TGFBI: variants seen among roughly 807,000 people sequenced by gnomAD.
TGFBI encodes transforming growth factor-beta-induced protein ig-h3.
A neutral mutation model predicts 73.7 loss-of-function variants in TGFBI; 50 were observed. The observed-to-expected ratio is 0.68, with a 90% confidence interval of 0.54 to 0.86. The LOEUF is 0.86. TGFBI is among the 40% of genes least tolerant of loss of function. TGFBI has a pLI of 0.00. For missense variants in TGFBI, 839 were observed against 877.0 expected (o/e 0.96, Z 0.55); for synonymous variants, 362 against 360.5 (o/e 1.00, Z -0.05).
chr5:136,046,961 C>G lies in TGFBI; in HGVS notation c.570C>G (p.Thr190=). 6.2e-7 allele frequency: 1 copy of G among 1,613,672 alleles called. No individual in the cohort carries two copies. ...VLTDELKHGM[T]LTSMYQNSNI... Reference sequence around the variant, plus strand: ...CTGATGAGCTGAAACACGGCATGACCCTCACCTCTATGTACCAGAATTCCA... The same window carrying G: ...CTGATGAGCTGAAACACGGCATGACGCTCACCTCTATGTACCAGAATTCCA... The change falls in exon 5 of 17, where the codon ACC becomes ACG. Residue 190 remains threonine (T), a synonymous_variant. Coordinates refer to ENST00000442011, the MANE Select transcript of TGFBI (RefSeq NM_000358.3).
Position 136,029,024 on chromosome 5 carries a change from G to T in TGFBI, c.-32G>T, listed in dbSNP as rs779085457. On this transcript the variant is annotated 5_prime_UTR_variant, in exon 1 of 17. Transcript: ENST00000442011. ...GGAGCCGCCCGCTTGCCCGTCGGTC[G>T]CTAGCTCGCTCGGTGCGCGTCGTCC... 1 of 1,515,104 alleles carries T rather than the reference G, an allele frequency of 6.6e-7. No individual in the cohort carries two copies. 93.9% of individuals were successfully genotyped at this position (1,515,104 alleles called of 1,614,324 possible). A position where few individuals can be genotyped will look rare whatever the true frequency, so the allele number is the denominator to read the frequency against.
At position 136,047,528 on chromosome 5, in the gene TGFBI, G is replaced by C. The variant is rs946245453; in HGVS notation, c.771+108G>C. On this transcript the variant is annotated intron_variant, in intron 6 of 16. Transcript: ENST00000442011. ...GAGGTAGAGGATGGCTCCTGTAGGG[G>C]AACATAGAGCAGGTTCCCCTGAATG... is the stretch of plus-strand genomic sequence containing the variant. 1.1e-5 allele frequency: 16 copies of C among 1,395,034 alleles called. No individual in the cohort carries two copies. The African/African-American group carries it at 2.1e-4, about 19-fold the overall frequency. The allele number at this position is 1,395,034 out of a possible 1,614,324, so 86.4% of individuals were successfully genotyped here. A position where few individuals can be genotyped will look rare whatever the true frequency, so the allele number is the denominator to read the frequency against.
chr5:136,041,433 T>C (rs1751337684), intron 2 of TGFBI, among the ~76,000 whole-genome samples: 2 of 152,238 alleles, frequency 1.3e-5, no homozygotes, highest in South Asian at 4.1e-4. Flanking sequence ...CAGTGAGTGC[T>C]GACAAGGGCT....
At position 136,055,732 on chromosome 5, in the gene TGFBI, A is replaced by C. The variant is rs2126914674; in HGVS notation, c.1463A>C (p.Tyr488Ser). The C allele has an allele frequency of 1.2e-6, 2 of 1,612,516 alleles. No homozygotes were observed. Among genetic ancestry groups the C allele is most frequent in the East Asian group, 4.5e-5 (2 of 44,854 alleles). The change falls in exon 11 of 17, where the codon TAC (tyrosine) becomes TCC (serine). Residue 488 changes from tyrosine to serine, a missense_variant. Tyr to Ser is a moderately radical substitution (Grantham distance 144). Transcript: ENST00000442011. Reference sequence around the variant, plus strand: ...GCGGCCCACGACAAGAGGGGGAGGTACGGGACCCTGTTCACGATGGACCGG... The same window carrying C: ...GCGGCCCACGACAAGAGGGGGAGGTCCGGGACCCTGTTCACGATGGACCGG... The part of the protein sequence containing the change: ...CIAAHDKRGR[Y>S]GTLFTMDRVL...
intron 2 of TGFBI, among the ~76,000 whole-genome samples, chr5:136,041,194 A>C (rs1010351310): frequency 4.6e-5 from 7 of 152,260 alleles, no homozygotes; most frequent in Non-Finnish European, 1.5e-5. Context: ...AGAGAGTGAC[A>C]GAGATGCCAG....
At chr5:136,055,843 C>G in intron 11 of TGFBI, 27 bp downstream of exon 11, 1 of 1,580,164 alleles carries the variant, frequency 6.3e-7, no homozygotes, top group Non-Finnish European at 8.6e-7. Context: ...CCGGGTGGAG[C>G]TTCTGCCCAG....
chr5:136,049,484 G>T lies in TGFBI; in HGVS notation c.817G>T (p.Gly273Cys). 6.2e-7 allele frequency: 1 copy of T among 1,613,962 alleles called. No individual in the cohort carries two copies. The highest frequency in any genetic ancestry group is 8.5e-7 in the Non-Finnish European group (1 of 1,179,880). The change falls in exon 7 of 17, where the codon GGC becomes TGC. Residue 273 changes from glycine to cysteine, a missense_variant. Coordinates refer to ENST00000442011, the MANE Select transcript of TGFBI (RefSeq NM_000358.3). ...SGLNTMLEGN[G>C]QYTLLAPTNE... ...GCTCAACACGATGCTTGAAGGTAAC[G>T]GCCAGTACACGCTTTTGGCCCCGAC...
intron 13 of TGFBI, 122 bp downstream of exon 13, chr5:136,059,336 T>A: frequency 7.2e-7 from 1 of 1,384,280 alleles, no homozygotes; most frequent in South Asian, 1.5e-5. Flanking sequence ...AATCTCTGAG[T>A]GTAATTCGTC....
chr5:136,049,367 A>T, intron 6 of TGFBI, 72 bp from the exon 7 acceptor site: 3 of 1,565,356 alleles, frequency 1.9e-6, no homozygotes, highest in Non-Finnish European at 2.6e-6. Context: ...GAACCAGTGA[A>T]GCTGTGTGTG....
intron 2 of TGFBI, among the ~76,000 whole-genome samples, chr5:136,040,050 G>T (rs546815001): frequency 1.3e-5 from 2 of 152,314 alleles, no homozygotes; most frequent in African/African-American, 4.8e-5. Context: ...TTAATCCCCA[G>T]GCATTTACGG....
rs771515402 is a variant in TGFBI, at chr5:136,055,764, AC to A, written c.1502del (p.Pro501GlnfsTer9). On this transcript the variant is annotated frameshift_variant, in exon 11 of 17. Transcript: ENST00000442011. LOFTEE classifies it high-confidence loss of function. ...CCTGTTCACGATGGACCGGGTGCTG[AC>A]CCCCCCAATGGGGACTGTCATGGAT... ...GTLFTMDRVLTPPMGTVMDVL... is the reference protein window; with the variant it reads ...GTLFTMDRVLXPPMGTVMDVL... The A allele has an allele frequency of 1.2e-6, 2 of 1,611,956 alleles. No individual in the cohort carries two copies. Among genetic ancestry groups the A allele is most frequent in the Non-Finnish European group, 8.5e-7 (1 of 1,178,774 alleles).
At chr5:136,040,562 T>G (rs970535312) in intron 2 of TGFBI, among the ~76,000 whole-genome samples, 3 of 152,186 alleles carry the variant, frequency 2.0e-5, no homozygotes, top group Non-Finnish European at 2.9e-5. Context: ...TGCCACCATC[T>G]GGGGAAATAT....
intron 2 of TGFBI, among the ~76,000 whole-genome samples, chr5:136,041,795 A>G (rs953422577): frequency 2.6e-5 from 4 of 152,160 alleles, no homozygotes; most frequent in South Asian, 2.1e-4. Context: ...ACAGGAACCA[A>G]TGAGTTAATA....
At position 136,055,729 on chromosome 5, in the gene TGFBI, G is replaced by A. The variant is rs746868533; in HGVS notation, c.1460G>A (p.Arg487Lys). Residue 487 changes from arginine to lysine, a missense_variant, in exon 11 of 17, where the codon AGG (arginine) becomes AAG (lysine). By Grantham distance (26) the Arg-to-Lys change is conservative. Coordinates refer to ENST00000442011, the MANE Select transcript of TGFBI (RefSeq NM_000358.3). The stretch of plus-strand genomic sequence containing the variant: ...ATCGCGGCCCACGACAAGAGGGGGA[G>A]GTACGGGACCCTGTTCACGATGGAC... ...SCIAAHDKRG[R>K]YGTLFTMDRV... 3.1e-6 allele frequency: 5 copies of A among 1,611,322 alleles called. No homozygotes were observed. Among genetic ancestry groups the A allele is most frequent in the African/African-American group, 1.3e-5 (1 of 74,900 alleles).
At chr5:136,055,489 C>T (rs1206140501) in intron 10 of TGFBI, 191 bp from the exon 11 acceptor site, 3 of 495,722 alleles carry the variant, frequency 6.1e-6, no homozygotes, top group Non-Finnish European at 9.8e-6. Context: ...CCGTTCTTTC[C>T]TTAAGGAAGA....
chr5:136,040,993 C>T (rs1454068480), intron 2 of TGFBI, among the ~76,000 whole-genome samples: 1 of 152,208 alleles, frequency 6.6e-6, no homozygotes, highest in African/African-American at 2.4e-5. Flanking sequence ...AAATTTTGGT[C>T]AAAGTTGCCT....
At chr5:136,035,446 A>T (rs953500258) in intron 2 of TGFBI, among the ~76,000 whole-genome samples, 3 of 151,956 alleles carry the variant, frequency 2.0e-5, no homozygotes, top group Admixed American at 6.6e-5. Flanking sequence ...ACATGGTGAA[A>T]CCCCGTCTCT....
chr5:136,031,469 C>T (rs1231627816), intron 1 of TGFBI, among the ~76,000 whole-genome samples: 7 of 152,238 alleles, frequency 4.6e-5, no homozygotes, highest in Non-Finnish European at 2.9e-5. Context: ...TTCGACCTCA[C>T]CACAACACAG....
intron 6 of TGFBI, chr5:136,048,253 G>C (rs1751469950): frequency 6.6e-6 from 1 of 152,256 alleles, no homozygotes; most frequent in South Asian, 2.1e-4. Flanking sequence ...TTGCTCGAAG[G>C]ACGGGGGTCT....
Sources: gnomAD v4.1 joint callset for allele counts (sites outside exome capture counted in the v4.1 genomes callset) on GRCh38, gnomAD v4.1.1 for gene constraint, MANE v1.5 for transcripts, NCBI Gene and HGNC (gene_info 2026-07-23, HGNC 2026-07-21) for gene names.